The following ENPP2 variants were observed in gnomAD, a reference collection of about 807,000 sequenced individuals.
The protein encoded by ENPP2 is autotaxin.
Under a neutral mutation model 120.2 loss-of-function variants are expected in ENPP2, and 51 were observed. The ratio of observed to expected loss-of-function variants is 0.42; its 90% CI spans 0.34 to 0.54. ENPP2 has a LOEUF of 0.54. Ranked by LOEUF, ENPP2 falls within the 20% of genes least tolerant of loss-of-function variation. The probability of loss-of-function intolerance (pLI) is 0.04; values close to 1 mark genes in which losing one functional copy is unlikely to be tolerated. For synonymous variants in ENPP2, 365 were observed against 366.4 expected, an observed-to-expected ratio of 1.00 and a Z score of 0.04; for missense variants, 920 against 1,066.5, an observed-to-expected ratio of 0.86 and a Z score of 1.91.
At chr8:119,655,219 G>A (rs898535405) in intron 1 of ENPP2, among the ~76,000 whole-genome samples, 2 of 152,172 alleles carry the variant, frequency 1.3e-5, no homozygotes, top group African/African-American at 4.8e-5. Flanking sequence ...ACAGACATAC[G>A]ATAAGCTGAC....
At chr8:119,644,623 TATACAC>T (rs1248650921) in intron 1 of ENPP2, among the ~76,000 whole-genome samples, 30 of 97,248 alleles carry the variant, frequency 3.1e-4, no homozygotes, top group African/African-American at 4.1e-4. Context: ...TATATATATA[TATACAC>T]ACACACACAC....
intron 1 of ENPP2, among the ~76,000 whole-genome samples, chr8:119,671,910 C>T (rs868224739): frequency 3.3e-5 from 5 of 152,150 alleles, no homozygotes; most frequent in Middle Eastern, 3.4e-3. Context: ...AGAAGGAAGC[C>T]CGGGAAGCAT....
At chr8:119,586,612 TTCAAG>T (rs1813129223) in intron 14 of ENPP2, among the ~76,000 whole-genome samples, 1 of 151,808 alleles carries the variant, frequency 6.6e-6, no homozygotes, top group Admixed American at 6.6e-5. Flanking sequence ...TCCCAACTCC[TTCAAG>T]TCAAGCAGTT....
At chr8:119,558,795 A>C (rs1218327411) in intron 24 of ENPP2, among the ~76,000 whole-genome samples, 1 of 152,024 alleles carries the variant, frequency 6.6e-6, no homozygotes, top group Admixed American at 6.6e-5. Flanking sequence ...CTACAAGTTG[A>C]AGGGTGGCTG....
chr8:119,580,304 C>G, intron 18 of ENPP2, 137 bp from the exon 19 acceptor site: 1 of 723,668 alleles, frequency 1.4e-6, no homozygotes, highest in East Asian at 2.5e-5. Flanking sequence ...TACATTCTTT[C>G]GAGGAATTAA....
chr8:119,629,913 G>T (rs1309288566), intron 2 of ENPP2, among the ~76,000 whole-genome samples: 2 of 152,100 alleles, frequency 1.3e-5, no homozygotes, highest in African/African-American at 4.8e-5. Context: ...CATTTCAACA[G>T]CGTTCTAGTA....
At position 119,631,458 on chromosome 8, in the gene ENPP2, C is replaced by T. The variant is rs560060399; in HGVS notation, c.137-4738G>A. ...GTCTCGATCTCCTGACATTGTGATC[C>T]GCCCACCTTGGCCTTCCAAAGTGCT... On this transcript the variant is annotated intron_variant, in intron 2 of 24. Coordinates refer to ENST00000075322, the MANE Select transcript of ENPP2 (RefSeq NM_001040092.3). Among the ~76,000 whole-genome samples, 1,017 of 151,934 alleles carry T rather than the reference C, an allele frequency of 6.7e-3. 10 individuals carry two copies. The highest frequency in any genetic ancestry group is 0.023 in the African/African-American group (958 of 41,430).
intron 2 of ENPP2, among the ~76,000 whole-genome samples, chr8:119,635,194 T>G (rs114011046): frequency 6.6e-6 from 1 of 152,364 alleles, no homozygotes; most frequent in African/African-American, 2.4e-5. Flanking sequence ...TTCCCTATGA[T>G]TCTCAAAGAA....
At chr8:119,668,917 C>A (rs1818159857) in intron 1 of ENPP2, among the ~76,000 whole-genome samples, 1 of 152,168 alleles carries the variant, frequency 6.6e-6, no homozygotes, top group Non-Finnish European at 1.5e-5. Flanking sequence ...CCATCTGCCT[C>A]TGTCATACAC....
intron 2 of ENPP2, among the ~76,000 whole-genome samples, chr8:119,636,022 T>C (rs1025122557): frequency 1.2e-4 from 18 of 152,226 alleles, no homozygotes. Flanking sequence ...GCTAGCCATA[T>C]ATCAATACCC....
intron 12 of ENPP2, among the ~76,000 whole-genome samples, chr8:119,592,449 G>A (rs1587416887): frequency 6.9e-6 from 1 of 145,596 alleles, no homozygotes; most frequent in Admixed American, 6.9e-5. Flanking sequence ...TTCCATCTTG[G>A]GCGATGAGAG....
Position 119,583,807 on chromosome 8 carries a change from T to A in ENPP2, c.1456-3A>T. The A allele has an allele frequency of 5.1e-6, 8 of 1,577,260 alleles. No individual in the cohort carries two copies. Among genetic ancestry groups the A allele is most frequent in the Non-Finnish European group, 6.9e-6 (8 of 1,151,854 alleles). On this transcript the variant is annotated splice_polypyrimidine_tract_variant and splice_region_variant and intron_variant, in intron 16 of 24. Transcript: ENST00000075322. ...GAGCCATAACCTACAAAAACAGTCTTCCAAAAGAAAAGAAAAACAAAAACA... is the reference window on the plus strand; with the variant it reads ...GAGCCATAACCTACAAAAACAGTCTACCAAAAGAAAAGAAAAACAAAAACA...
chr8:119,648,744 C>A (rs1304272115), intron 1 of ENPP2, among the ~76,000 whole-genome samples: 1 of 152,184 alleles, frequency 6.6e-6, no homozygotes. Flanking sequence ...TGATAAAAGG[C>A]TTCTACAAAA....
At chr8:119,611,751 C>T (rs547922324) in intron 8 of ENPP2, among the ~76,000 whole-genome samples, 17 of 152,216 alleles carry the variant, frequency 1.1e-4, no homozygotes, top group South Asian at 4.1e-4. Flanking sequence ...TCAGGCCGGG[C>T]GCCGTGGCTC....
At chr8:119,573,019 T>C (rs1563680359) in intron 19 of ENPP2, 1 of 152,242 alleles carries the variant, frequency 6.6e-6, no homozygotes, top group Non-Finnish European at 1.5e-5. Flanking sequence ...GTGTCCCTTT[T>C]CACGCTCAAA....
intron 15 of ENPP2, among the ~76,000 whole-genome samples, chr8:119,584,467 T>C (rs1812968877): frequency 1.3e-5 from 2 of 152,218 alleles, no homozygotes; most frequent in Non-Finnish European, 2.9e-5. Context: ...TAAAAAAATG[T>C]GATGTCTCAC....
At chr8:119,587,150 A>T in intron 13 of ENPP2, 75 bp from the exon 14 acceptor site, 1 of 1,221,172 alleles carries the variant, frequency 8.2e-7, no homozygotes, top group Non-Finnish European at 1.2e-6. Flanking sequence ...GCAGCAAGAT[A>T]CTCAATTCTT....
chr8:119,564,951 G>A lies in ENPP2; in HGVS notation c.2136C>T (p.Val712=), dbSNP rs1814288446. 1 of 1,612,122 alleles carries A rather than the reference G, an allele frequency of 6.2e-7. No homozygotes were observed. Among genetic ancestry groups the A allele is most frequent in the South Asian group, 1.1e-5 (1 of 90,828 alleles). The part of the protein sequence containing the change: ...MVPMYPAFKR[V]WNYFQRVLVK... ...CCAATACCCTTTGGAAATAATTCCA[G>A]ACCCCTGTGCAAAGACAAAAATCCA... Residue 712 remains valine, a synonymous_variant, in exon 23 of 25, where the codon GTC becomes GTT. Coordinates refer to ENST00000075322, the MANE Select transcript of ENPP2 (RefSeq NM_001040092.3).
chr8:119,671,418 G>A (rs987289044), intron 1 of ENPP2, among the ~76,000 whole-genome samples: 1 of 152,172 alleles, frequency 6.6e-6, no homozygotes, highest in African/African-American at 2.4e-5. Context: ...GAATTTGAGG[G>A]AATACTGGCC....
Sources: gnomAD v4.1 joint callset for allele counts (sites outside exome capture counted in the v4.1 genomes callset) on GRCh38, gnomAD v4.1.1 for gene constraint, MANE v1.5 for transcripts, NCBI Gene and HGNC (gene_info 2026-07-23, HGNC 2026-07-21) for gene names.